Variants in CYP4V2 observed in about 807,000 individuals in gnomAD.
CYP4V2 encodes cytochrome P450 family 4 subfamily V member 2.
CYP4V2 carries 55 observed loss-of-function variants against 60.8 expected under a neutral mutation model. The observed-to-expected ratio is 0.90, with a 90% CI of 0.73 to 1.13. The LOEUF is 1.13. Among genes scored for constraint, CYP4V2 ranks in the 50% most tolerant of loss-of-function variants. CYP4V2 has a pLI of 0.00. For synonymous variants in CYP4V2, 239 were observed against 236.8 expected (o/e 1.01, Z -0.08); for missense variants, 675 against 662.9 (o/e 1.02, Z -0.20).
intron 5 of CYP4V2, 120 bp downstream of exon 5, chr4:186,197,722 G>A: frequency 9.8e-7 from 1 of 1,018,774 alleles, no homozygotes; most frequent in Non-Finnish European, 1.5e-6. Context: ...TAAACTAGAA[G>A]TTAACCTCAT....
In CYP4V2 at chr4:186,210,719, C is replaced by T; in HGVS notation, c.*78C>T. ...TCCTTGTCATTTACAATTTACAGATCATGAGTTCAATATGCTTGAATCCCC... is the reference window on the plus strand; with the variant it reads ...TCCTTGTCATTTACAATTTACAGATTATGAGTTCAATATGCTTGAATCCCC... On this transcript the variant is annotated 3_prime_UTR_variant, in exon 11 of 11. Coordinates refer to ENST00000378802, the MANE Select transcript of CYP4V2 (RefSeq NM_207352.4). 13 of 1,570,374 alleles carry T rather than the reference C, an allele frequency of 8.3e-6. No individual in the cohort carries two copies. Among genetic ancestry groups the T allele is most frequent in the Non-Finnish European group, 1.1e-5 (13 of 1,148,756 alleles).
chr4:186,212,155 T>G lies in CYP4V2; in HGVS notation c.*1514T>G, dbSNP rs1736744503. 1 of 152,214 alleles carries G rather than the reference T, an allele frequency of 6.6e-6. No homozygotes were observed. The highest frequency in any genetic ancestry group is 1.5e-5 in the Non-Finnish European group (1 of 68,036). The allele number at this position is 152,214 out of a possible 1,614,324, so 9.4% of individuals were successfully genotyped here. The stretch of plus-strand genomic sequence containing the variant: ...ATACGTAGAGATCTATACCCTTAAA[T>G]CTCTCCACTCACATGCTGATATACT... On this transcript the variant is annotated 3_prime_UTR_variant, in exon 11 of 11. Transcript: ENST00000378802.
chr4:186,210,999 G>T lies in CYP4V2; in HGVS notation c.*358G>T. 1 of 237,396 alleles carries T rather than the reference G, an allele frequency of 4.2e-6. No individual in the cohort carries two copies. Among genetic ancestry groups the T allele is most frequent in the Non-Finnish European group, 8.2e-6 (1 of 121,224 alleles). 14.7% of individuals were successfully genotyped at this position (237,396 alleles called of 1,614,324 possible). ...TTACAGGTGCCTGCCACCATGCCTG[G>T]CTAATTTTTTTGTATTTTTAGTAGA... On this transcript the variant is annotated 3_prime_UTR_variant, in exon 11 of 11. Transcript: ENST00000378802.
At chr4:186,206,560 G>T (rs1438497792) in intron 8 of CYP4V2, among the ~76,000 whole-genome samples, 1 of 152,178 alleles carries the variant, frequency 6.6e-6, no homozygotes, top group Non-Finnish European at 1.5e-5. Flanking sequence ...TTTACAGTGA[G>T]AAGCAGGGAA....
chr4:186,207,204 C>G (rs200545819), intron 8 of CYP4V2, among the ~76,000 whole-genome samples: 1 of 151,862 alleles, frequency 6.6e-6, no homozygotes, highest in Admixed American at 6.6e-5. Context: ...GTCAGGAGAT[C>G]GAGACCATCC....
chr4:186,204,989 G>C (rs1013434170), intron 7 of CYP4V2: 1 of 622,108 alleles, frequency 1.6e-6, no homozygotes, highest in African/African-American at 1.8e-5. Flanking sequence ...ACCGTGCGGC[G>C]TGGAACTGCC....
chr4:186,193,716 C>T (rs1561430407), intron 1 of CYP4V2, among the ~76,000 whole-genome samples: 1 of 152,180 alleles, frequency 6.6e-6, no homozygotes, highest in Non-Finnish European at 1.5e-5. Context: ...CCAGTGTTGA[C>T]CTCAACAAAG....
chr4:186,202,589 C>G (rs1000221540), intron 7 of CYP4V2: 2 of 152,246 alleles, frequency 1.3e-5, no homozygotes, highest in African/African-American at 4.8e-5. Context: ...CACACACACA[C>G]GCATACACTC....
intron 6 of CYP4V2, 126 bp from the exon 7 acceptor site, chr4:186,201,031 G>A: frequency 1.0e-6 from 1 of 976,396 alleles, no homozygotes; most frequent in Non-Finnish European, 1.5e-6. Context: ...AGCCTATGTT[G>A]TCGAAATGTT....
chr4:186,196,376 GAC>G (rs1736147109), intron 3 of CYP4V2: 4 of 457,102 alleles, frequency 8.8e-6, no homozygotes, highest in Non-Finnish European at 1.6e-5. Flanking sequence ...CGGGATGGAG[GAC>G]ACAGTAAAGC....
intron 10 of CYP4V2, among the ~76,000 whole-genome samples, chr4:186,209,635 T>C (rs1736645802): frequency 6.6e-6 from 1 of 152,194 alleles, no homozygotes; most frequent in Admixed American, 6.5e-5. Context: ...TCCTTATGTC[T>C]TCACTTGGTC....
rs971550373 is a variant in CYP4V2, at chr4:186,195,768, C to A, written c.328-235C>A. On this transcript the variant is annotated intron_variant, in intron 2 of 10. Transcript: ENST00000378802. The surrounding 1 kb of genome is among the most constrained non-coding windows in gnomAD (Gnocchi z 4.1). ...TGGTTTATGGCGGGAACCAGAGAAT[C>A]ATCTGGGACATCTTTCTTCCCCCCA... 2.6e-5 allele frequency among the ~76,000 whole-genome samples: 4 copies of A among 152,112 alleles called. No homozygotes were observed. The highest frequency in any genetic ancestry group is 9.7e-5 in the African/African-American group (4 of 41,412).
rs1418228585 is a variant in CYP4V2, at chr4:186,195,791, C to T, written c.328-212C>T. Among the ~76,000 whole-genome samples the T allele has an allele frequency of 6.6e-6, 1 of 152,164 alleles. No individual in the cohort carries two copies. The highest frequency in any genetic ancestry group is 1.5e-5 in the Non-Finnish European group (1 of 68,030). On this transcript the variant is annotated intron_variant, in intron 2 of 10. Transcript: ENST00000378802. This position sits in a 1 kb window ranked among gnomAD's most constrained non-coding sequence, Gnocchi z 4.1. ...ATCATCTGGGACATCTTTCTTCCCC[C>T]CAACTCCATTGAGTCCCCAAGACTG...
chr4:186,213,014 G>C lies in CYP4V2; in HGVS notation c.*2373G>C, dbSNP rs572480731. ...AATAAAAGTTGTATTTGTGGAAATT[G>C]GTATTATCTCTGTTTTATGCACTTA... On this transcript the variant is annotated 3_prime_UTR_variant, in exon 11 of 11. Coordinates refer to ENST00000378802, the MANE Select transcript of CYP4V2 (RefSeq NM_207352.4). The C allele has an allele frequency of 7.2e-5, 11 of 152,204 alleles. No individual in the cohort carries two copies. The East Asian group carries it at 2.1e-3, about 29-fold the overall frequency. The allele number at this position is 152,204 out of a possible 1,614,324, so 9.4% of individuals were successfully genotyped here. A position where few individuals can be genotyped will look rare whatever the true frequency, so the allele number is the denominator to read the frequency against.
Position 186,210,908 on chromosome 4 carries a change from C to G in CYP4V2, c.*267C>G, listed in dbSNP as rs1280183825. On this transcript the variant is annotated 3_prime_UTR_variant, in exon 11 of 11. Coordinates refer to ENST00000378802, the MANE Select transcript of CYP4V2 (RefSeq NM_207352.4). ...GAGGAGTGCAGTGGTGTGATCTCAG[C>G]TCACTGCAACCTCCACCTCCCAGGT... The G allele has an allele frequency of 8.5e-6, 3 of 350,940 alleles. No homozygotes were observed. Among genetic ancestry groups the G allele is most frequent in the African/African-American group, 6.5e-5 (3 of 46,242 alleles). The allele number at this position is 350,940 out of a possible 1,614,324, so 21.7% of individuals were successfully genotyped here.
Position 186,210,653 on chromosome 4 carries a change from G to GGTT in CYP4V2, c.*15_*17dup. 1 of 1,613,874 alleles carries GGTT rather than the reference G, an allele frequency of 6.2e-7. No homozygotes were observed. Among genetic ancestry groups the GGTT allele is most frequent in the South Asian group, 1.1e-5 (1 of 91,064 alleles). On this transcript the variant is annotated 3_prime_UTR_variant, in exon 11 of 11. Transcript: ENST00000378802. Reference sequence around the variant, plus strand: ...CAGATGAACGCTAACTATATTATTGGGTTGTGCCTTTATCATGAGAAAGGT... The same window carrying GGTT: ...CAGATGAACGCTAACTATATTATTGGGTTGTTGTGCCTTTATCATGAGAAAGGT...
rs1736304515 is a variant in CYP4V2 at position 186,201,422 on chromosome 4, A to T, written c.987+80A>T. On this transcript the variant is annotated intron_variant, in intron 7 of 10. Coordinates refer to ENST00000378802, the MANE Select transcript of CYP4V2 (RefSeq NM_207352.4). ...AATCTTTAGCATTATTTTTTAAAAC[A>T]ATCAAATTTTAAAGTAGTTTAACTA... The T allele has an allele frequency of 4.0e-6, 6 of 1,503,542 alleles. No individual in the cohort carries two copies. The East Asian group carries it at 1.4e-4, about 35-fold the overall frequency. 93.1% of individuals were successfully genotyped at this position (1,503,542 alleles called of 1,614,324 possible).
At position 186,197,264 on chromosome 4, in the gene CYP4V2, G is replaced by A. The variant is rs575374497; in HGVS notation, c.604+134G>A. 2.5e-5 allele frequency: 28 copies of A among 1,133,764 alleles called. 1 individual carries two copies. Among genetic ancestry groups the A allele is most frequent in the African/African-American group, 2.5e-4 (16 of 65,274 alleles). The allele number at this position is 1,133,764 out of a possible 1,614,324, so 70.2% of individuals were successfully genotyped here. ...GGCTCTTCAGCGCGGTTCTACGACCGCACTGGCCTTCTGAGGAGCAGCAGC... is the reference window on the plus strand; with the variant it reads ...GGCTCTTCAGCGCGGTTCTACGACCACACTGGCCTTCTGAGGAGCAGCAGC... On this transcript the variant is annotated intron_variant, in intron 4 of 10. Transcript: ENST00000378802.
Position 186,199,081 on chromosome 4 carries a change from A to AGT in CYP4V2, c.801+1_801+2dup. ...TCAGATCCTACATACTTTTACCAAC[A>AGT]GTGTAAGTCCCTGACTTTTACAATT... is the stretch of plus-strand genomic sequence containing the variant. On this transcript the variant is annotated frameshift_variant and splice_region_variant, in exon 6 of 11. Coordinates refer to ENST00000378802, the MANE Select transcript of CYP4V2 (RefSeq NM_207352.4). LOFTEE classifies it high-confidence loss of function. 5 of 1,613,476 alleles carry AGT rather than the reference A, an allele frequency of 3.1e-6. No individual in the cohort carries two copies. The highest frequency in any genetic ancestry group is 4.2e-6 in the Non-Finnish European group (5 of 1,179,404).
Sources: gnomAD v4.1 joint callset for allele counts (sites outside exome capture counted in the v4.1 genomes callset) on GRCh38, gnomAD v4.1.1 for gene constraint, Gnocchi (gnomAD v3.1) non-coding constraint, MANE v1.5 for transcripts, NCBI Gene and HGNC (gene_info 2026-07-23, HGNC 2026-07-21) for gene names.